Variants in TAOK1 observed in about 807,000 individuals in gnomAD.
TAOK1 encodes the protein serine/threonine-protein kinase TAO1.
In TAOK1, 21 loss-of-function variants were observed where a neutral mutation model predicts 138.3. That is an observed-to-expected ratio of 0.15 (90% CI 0.11 to 0.22). The LOEUF is 0.22. Among genes scored for constraint, TAOK1 ranks in the 10% least tolerant of loss-of-function variants. The probability of loss-of-function intolerance (pLI) is 1.00; values close to 1 mark genes in which losing one functional copy is unlikely to be tolerated. For synonymous variants in TAOK1, 361 were observed against 398.4 expected (o/e 0.91, Z 1.12); for missense variants, 651 against 1,227.7 (o/e 0.53, Z 7.02).
chr17:29,460,417 C>T (rs555592385), intron 2 of TAOK1, among the ~76,000 whole-genome samples: 24 of 152,288 alleles, frequency 1.6e-4, no homozygotes, highest in Admixed American at 1.4e-3. Flanking sequence ...GTCTCGAACT[C>T]CTGACCTCAT....
intron 14 of TAOK1, among the ~76,000 whole-genome samples, chr17:29,509,450 C>A (rs1435661312): frequency 6.6e-6 from 1 of 152,104 alleles, no homozygotes; most frequent in African/African-American, 2.4e-5. Flanking sequence ...GACCTTCCTG[C>A]CTCGGCCTCC....
intron 16 of TAOK1, among the ~76,000 whole-genome samples, chr17:29,521,250 C>G (rs2031910781): frequency 6.6e-6 from 1 of 152,072 alleles, no homozygotes; most frequent in South Asian, 2.1e-4. Context: ...GCAAAAGGAG[C>G]AAGTTTGACT....
At position 29,517,190 on chromosome 17, in the gene TAOK1, G is replaced by A. The variant is rs1239989812; in HGVS notation, c.1705-263G>A. ...TTTTTAGTAGAGACAGGGTTTCACC[G>A]TGTTAGCCAGGATGGTCTCGATCTC... is the stretch of plus-strand genomic sequence containing the variant. On this transcript the variant is annotated intron_variant, in intron 15 of 19. Coordinates refer to ENST00000261716, the MANE Select transcript of TAOK1 (RefSeq NM_020791.4). Among the ~76,000 whole-genome samples, 5 of 151,748 alleles carry A rather than the reference G, an allele frequency of 3.3e-5. No homozygotes were observed. The South Asian group carries it at 8.3e-4, about 25-fold the overall frequency.
Position 29,522,143 on chromosome 17 carries a change from C to T in TAOK1, c.1909-137C>T, listed in dbSNP as rs2031931896. On this transcript the variant is annotated intron_variant, in intron 16 of 19. Coordinates refer to ENST00000261716, the MANE Select transcript of TAOK1 (RefSeq NM_020791.4). ...CCATTTAAAGAGGTAAAAGTCACAA[C>T]CCTCTTATTTACTATGCAACTATAA... is the stretch of plus-strand genomic sequence containing the variant. 6 of 1,133,060 alleles carry T rather than the reference C, an allele frequency of 5.3e-6. No individual in the cohort carries two copies. The South Asian group carries it at 7.0e-5, about 13-fold the overall frequency. 70.2% of individuals were successfully genotyped at this position (1,133,060 alleles called of 1,614,324 possible).
intron 1 of TAOK1, among the ~76,000 whole-genome samples, chr17:29,420,872 G>A (rs371075639): frequency 6.6e-6 from 1 of 152,072 alleles, no homozygotes; most frequent in East Asian, 1.9e-4. Flanking sequence ...GTGAGCCACC[G>A]CGCCCAGCCG....
chr17:29,432,935 G>A (rs1431289234), intron 1 of TAOK1, among the ~76,000 whole-genome samples: 1 of 152,068 alleles, frequency 6.6e-6, no homozygotes, highest in East Asian at 1.9e-4. Context: ...AATTTTTAAA[G>A]TTTTTGTAGA....
At chr17:29,522,952 A>G (rs762092861) in intron 17 of TAOK1, among the ~76,000 whole-genome samples, 6 of 151,940 alleles carry the variant, frequency 3.9e-5, no homozygotes, top group Non-Finnish European at 8.8e-5. Context: ...GCACATGCCT[A>G]TAGTCCCAGC....
At chr17:29,397,190 G>A (rs1283316485) in intron 1 of TAOK1, among the ~76,000 whole-genome samples, 1 of 151,972 alleles carries the variant, frequency 6.6e-6, no homozygotes, top group East Asian at 1.9e-4. Flanking sequence ...AGCTACTCGG[G>A]AGGCTGAGGC....
intron 7 of TAOK1, among the ~76,000 whole-genome samples, chr17:29,480,913 A>G (rs2153026811): frequency 6.6e-6 from 1 of 151,848 alleles, no homozygotes; most frequent in African/African-American, 2.4e-5. Context: ...AGAATGTAGG[A>G]CACTAATTGA....
intron 1 of TAOK1, among the ~76,000 whole-genome samples, chr17:29,412,438 G>GTCTATTCAAGTCCTCT (rs1555557192): frequency 6.6e-6 from 1 of 151,340 alleles, no homozygotes; most frequent in African/African-American, 2.4e-5. Context: ...CTTTTTCTCT[G>GTCTATTCAAGTCCTCT]TCCATTCAAG....
At chr17:29,480,191 G>T in intron 6 of TAOK1, 177 bp from the exon 7 acceptor site, 1 of 394,064 alleles carries the variant, frequency 2.5e-6, no homozygotes, top group Non-Finnish European at 4.4e-6. Context: ...GAATTCTGTA[G>T]TTTTTTGTTT....
intron 7 of TAOK1, among the ~76,000 whole-genome samples, chr17:29,481,885 G>A (rs568391422): frequency 5.3e-5 from 8 of 152,150 alleles, no homozygotes; most frequent in East Asian, 1.9e-4. Flanking sequence ...GCGTGAACCC[G>A]GGAGGCAGAG....
chr17:29,546,669 C>T lies in TAOK1; in HGVS notation c.*3647C>T, dbSNP rs2032407939. 1 of 151,848 alleles carries T rather than the reference C, an allele frequency of 6.6e-6. No individual in the cohort carries two copies. The highest frequency in any genetic ancestry group is 6.6e-5 in the Admixed American group (1 of 15,246). The allele number at this position is 151,848 out of a possible 1,614,324, so 9.4% of individuals were successfully genotyped here. On this transcript the variant is annotated 3_prime_UTR_variant, in exon 20 of 20. Coordinates refer to ENST00000261716, the MANE Select transcript of TAOK1 (RefSeq NM_020791.4). ...TTTTTAAAACTGTATTAAATATGCACATTTTTGGTATAGCTATTATCATTT... is the reference window on the plus strand; with the variant it reads ...TTTTTAAAACTGTATTAAATATGCATATTTTTGGTATAGCTATTATCATTT...
At chr17:29,419,732 G>A (rs532557065) in intron 1 of TAOK1, among the ~76,000 whole-genome samples, 3 of 152,034 alleles carry the variant, frequency 2.0e-5, no homozygotes, top group African/African-American at 4.8e-5. Context: ...GAGCTCAAGC[G>A]ATCCTCCCAC....
At chr17:29,466,172 A>G (rs796755778) in intron 2 of TAOK1, among the ~76,000 whole-genome samples, 20 of 152,004 alleles carry the variant, frequency 1.3e-4, no homozygotes, top group African/African-American at 4.8e-4. Flanking sequence ...GTTTTTTGAG[A>G]CAGAGTTGCT....
chr17:29,504,803 G>T (rs1040621634), intron 13 of TAOK1, among the ~76,000 whole-genome samples: 1 of 152,188 alleles, frequency 6.6e-6, no homozygotes, highest in African/African-American at 2.4e-5. Flanking sequence ...TATATGACAT[G>T]TGGGGTCGGG....
At chr17:29,458,119 A>AG (rs1278026720) in intron 2 of TAOK1, among the ~76,000 whole-genome samples, 1 of 151,526 alleles carries the variant, frequency 6.6e-6, no homozygotes, top group Non-Finnish European at 1.5e-5. Flanking sequence ...TGAAAAAAAA[A>AG]AAATTAACCA....
At chr17:29,493,924 T>G (rs919120094) in intron 10 of TAOK1, among the ~76,000 whole-genome samples, 21 of 152,134 alleles carry the variant, frequency 1.4e-4, no homozygotes, top group African/African-American at 5.1e-4. Context: ...AATTATTTTT[T>G]TTTTGTTTTT....
At chr17:29,392,265 C>T (rs1009072919) in intron 1 of TAOK1, among the ~76,000 whole-genome samples, 1 of 152,142 alleles carries the variant, frequency 6.6e-6, no homozygotes, top group Admixed American at 6.5e-5. Context: ...CTGTCTGATT[C>T]AGGGCATTTC....
Sources: allele counts gnomAD v4.1 joint callset (sites outside exome capture counted in the v4.1 genomes callset), GRCh38; gene constraint gnomAD v4.1.1; transcripts MANE v1.5; gene names NCBI Gene and HGNC (gene_info 2026-07-23, HGNC 2026-07-21).